The following RGS12 variants were observed in gnomAD, a reference collection of about 807,000 sequenced individuals.
The protein encoded by RGS12 is regulator of G protein signaling 12.
Under a neutral mutation model 120.1 loss-of-function variants are expected in RGS12, and 66 were observed. The ratio of observed to expected loss-of-function variants is 0.55; its 90% CI spans 0.45 to 0.67. The LOEUF (loss-of-function observed/expected upper bound fraction) is 0.67. RGS12 is among the 30% of genes least tolerant of loss of function. The pLI, the probability that RGS12 is intolerant of heterozygous loss-of-function variation, is 0.00. For missense variants in RGS12, 1,859 were observed against 1,957.7 expected (o/e 0.95, Z 0.95); for synonymous variants, 827 against 804.7 (o/e 1.03, Z -0.47).
intron 2 of RGS12, among the ~76,000 whole-genome samples, chr4:3,325,679 G>T (rs1406974247): frequency 2.0e-5 from 3 of 152,130 alleles, no homozygotes; most frequent in African/African-American, 4.8e-5. Context: ...ATTTCTTCCT[G>T]ACTCATTTTA....
chr4:3,367,986 G>A (rs1219787475), intron 3 of RGS12, among the ~76,000 whole-genome samples: 1 of 152,250 alleles, frequency 6.6e-6, no homozygotes, highest in African/African-American at 2.4e-5. Flanking sequence ...GAACACAATG[G>A]GATGAAGATG....
intron 1 of RGS12, among the ~76,000 whole-genome samples, chr4:3,315,386 T>C (rs1724672039): frequency 6.6e-6 from 1 of 152,252 alleles, no homozygotes; most frequent in Non-Finnish European, 1.5e-5. Flanking sequence ...TGAGTTAATA[T>C]GACATTTCTG....
At position 3,358,243 on chromosome 4, in the gene RGS12, T is replaced by C. The variant is rs192168477; in HGVS notation, c.1998+15190T>C. On this transcript the variant is annotated intron_variant, in intron 3 of 17. Coordinates refer to ENST00000336727, the MANE Select transcript of RGS12 (RefSeq NM_001394154.1). ...TTAGCTCTAGTAGGTTTTTTTTTGG[T>C]GGAATAGTCTACATAAAATATCTTA... Among the ~76,000 whole-genome samples, 9 of 152,304 alleles carry C rather than the reference T, an allele frequency of 5.9e-5. No individual in the cohort carries two copies. The East Asian group carries it at 1.7e-3, about 29-fold the overall frequency.
intron 4 of RGS12, among the ~76,000 whole-genome samples, chr4:3,392,112 G>T (rs1719565091): frequency 6.6e-6 from 1 of 152,102 alleles, no homozygotes; most frequent in African/African-American, 2.4e-5. Flanking sequence ...TAAGGAAAAG[G>T]TCTAGAAGTA....
chr4:3,358,285 A>T (rs966650583), intron 3 of RGS12, among the ~76,000 whole-genome samples: 14 of 152,082 alleles, frequency 9.2e-5, no homozygotes, highest in Non-Finnish European at 1.5e-4. Context: ...GTGAACAGAG[A>T]TAATTTTACT....
At chr4:3,393,709 A>T (rs953341967) in intron 4 of RGS12, among the ~76,000 whole-genome samples, 2 of 152,040 alleles carry the variant, frequency 1.3e-5, no homozygotes, top group Non-Finnish European at 2.9e-5. Context: ...TTTGTCTACT[A>T]TTCTACTGTC....
At position 3,422,992 on chromosome 4, in the gene RGS12, C is replaced by G. The variant is rs375568766; in HGVS notation, c.3107+14C>G. On this transcript the variant is annotated intron_variant, in intron 12 of 17. Coordinates refer to ENST00000336727, the MANE Select transcript of RGS12 (RefSeq NM_001394154.1). Reference sequence around the variant, plus strand: ...CACCTTGTTTCGGTAAGAGGAAGATCGCTGTCATTCACCTGAGGCTCCCAG... The same window carrying G: ...CACCTTGTTTCGGTAAGAGGAAGATGGCTGTCATTCACCTGAGGCTCCCAG... The G allele has an allele frequency of 3.7e-6, 6 of 1,609,740 alleles. No individual in the cohort carries two copies. In the East Asian group the frequency reaches 6.7e-5, roughly 18 times the overall value.
intron 3 of RGS12, among the ~76,000 whole-genome samples, chr4:3,361,745 T>C (rs1316139940): frequency 6.6e-6 from 1 of 152,166 alleles, no homozygotes; most frequent in East Asian, 1.9e-4. Flanking sequence ...AGGGAGGCAG[T>C]GACAGGCCTG....
chr4:3,348,354 G>A (rs1714024910), intron 3 of RGS12, among the ~76,000 whole-genome samples: 1 of 152,128 alleles, frequency 6.6e-6, no homozygotes, highest in Non-Finnish European at 1.5e-5. Context: ...AAATTATCTT[G>A]ATAAAACATA....
At chr4:3,344,191 G>C (rs1713564150) in intron 3 of RGS12, among the ~76,000 whole-genome samples, 1 of 152,188 alleles carries the variant, frequency 6.6e-6, no homozygotes, top group Admixed American at 6.5e-5. Flanking sequence ...AGGGGTCCTG[G>C]GGATTGGCAC....
At position 3,388,752 on chromosome 4, in the gene RGS12, C is replaced by T. The variant is rs753005856; in HGVS notation, c.2020+2315C>T. On this transcript the variant is annotated intron_variant, in intron 4 of 17. Coordinates refer to ENST00000336727, the MANE Select transcript of RGS12 (RefSeq NM_001394154.1). ...TCCACGGCAGTGACAGGAGCCTGGG[C>T]GGGGTCGGGGTGGGGGGGTGGTCCC... Among the ~76,000 whole-genome samples, 4 of 152,070 alleles carry T rather than the reference C, an allele frequency of 2.6e-5. 1 individual carries two copies. The South Asian group carries it at 6.2e-4, about 24-fold the overall frequency.
At chr4:3,368,306 G>A (rs750636640) in intron 3 of RGS12, among the ~76,000 whole-genome samples, 1 of 152,288 alleles carries the variant, frequency 6.6e-6, no homozygotes, top group East Asian at 1.9e-4. Flanking sequence ...AGAACCTTCA[G>A]ATTGCTTTCT....
rs779376735 is a variant in RGS12, at chr4:3,317,946, GC to G, written c.1781del (p.Pro594ArgfsTer2). On this transcript the variant is annotated frameshift_variant, in exon 2 of 18. Coordinates refer to ENST00000336727, the MANE Select transcript of RGS12 (RefSeq NM_001394154.1). LOFTEE classifies it high-confidence loss of function. ...RYRVEGSFAQ[P>X]PLNAPKREWS... ...ACAGGGTGGAGGGCAGCTTCGCGCA[GC>G]CCCCGCTGAATGCCCCGAAGAGGGA... is the stretch of plus-strand genomic sequence containing the variant. The G allele has an allele frequency of 1.2e-6, 2 of 1,614,190 alleles. No individual in the cohort carries two copies. Among genetic ancestry groups the G allele is most frequent in the Non-Finnish European group, 1.7e-6 (2 of 1,180,032 alleles).
chr4:3,369,781 C>G (rs114028217), intron 3 of RGS12: 1,580 of 154,214 alleles, frequency 0.01, 38 homozygotes, highest in African/African-American at 0.036. Flanking sequence ...GGAGGGTGGG[C>G]AGAGCAGATC....
chr4:3,430,302 G>A, intron 16 of RGS12, 105 bp from the exon 17 acceptor site: 1 of 985,734 alleles, frequency 1.0e-6, no homozygotes. Context: ...CAGCTGATAG[G>A]GTGTTAGGAC....
chr4:3,347,795 T>C (rs1713961789), intron 3 of RGS12, among the ~76,000 whole-genome samples: 2 of 152,238 alleles, frequency 1.3e-5, no homozygotes, highest in South Asian at 4.1e-4. Context: ...TAAAATCTGG[T>C]GGAAGTTCAT....
chr4:3,433,034 A>G lies in RGS12; in HGVS notation c.4114+2079A>G, dbSNP rs971185396. ...CCCCCACTCTAATGGGATTCTCTGT[A>G]TTGGAGAGTTCACCTGCCCATGGCG... On this transcript the variant is annotated intron_variant, in intron 17 of 17. Coordinates refer to ENST00000336727, the MANE Select transcript of RGS12 (RefSeq NM_001394154.1). The surrounding 1 kb of genome is among the most constrained non-coding windows in gnomAD (Gnocchi z 4.4). Among the ~76,000 whole-genome samples, 5 of 152,172 alleles carry G rather than the reference A, an allele frequency of 3.3e-5. No individual in the cohort carries two copies. The highest frequency in any genetic ancestry group is 1.2e-4 in the African/African-American group (5 of 41,426).
intron 10 of RGS12, among the ~76,000 whole-genome samples, chr4:3,421,510 T>C (rs1025387476): frequency 3.3e-5 from 5 of 152,274 alleles, no homozygotes; most frequent in Non-Finnish European, 1.5e-5. Context: ...TGGGTGGTTC[T>C]GCCCATTCTG....
At chr4:3,407,847 G>T (rs1721324373) in intron 4 of RGS12, among the ~76,000 whole-genome samples, 1 of 152,244 alleles carries the variant, frequency 6.6e-6, no homozygotes, top group Admixed American at 6.5e-5. Flanking sequence ...ATTAACATTT[G>T]TAACGTAACC....
Sources: gnomAD v4.1 joint callset for allele counts (sites outside exome capture counted in the v4.1 genomes callset) on GRCh38, gnomAD v4.1.1 for gene constraint, Gnocchi (gnomAD v3.1) non-coding constraint, MANE v1.5 for transcripts, NCBI Gene and HGNC (gene_info 2026-07-23, HGNC 2026-07-21) for gene names.